The following ME3 variants were observed in gnomAD, a reference collection of about 807,000 sequenced individuals.
The protein encoded by ME3 is NADP-dependent malic enzyme, mitochondrial.
In ME3, 48 loss-of-function variants were observed where a neutral mutation model predicts 68.9. The observed-to-expected ratio is 0.70, with a 90% CI of 0.55 to 0.89. The LOEUF is 0.89. Ranked by LOEUF, ME3 falls within the 40% of genes least tolerant of loss-of-function variation. The probability of loss-of-function intolerance (pLI) is 0.00; values close to 1 mark genes in which losing one functional copy is unlikely to be tolerated. For synonymous variants in ME3, 320 were observed against 318.8 expected (o/e 1.00, Z -0.04); for missense variants, 675 against 797.4 (o/e 0.85, Z 1.85).
In ME3 at chr11:86,543,203, C is replaced by T. The variant is rs550971025; in HGVS notation, c.467+13350G>A. Among the ~76,000 whole-genome samples, 358 of 152,240 alleles carry T rather than the reference C, an allele frequency of 2.4e-3. 1 individual carries two copies. Among genetic ancestry groups the T allele is most frequent in the African/African-American group, 8.4e-3 (348 of 41,520 alleles). ...TGGTACCAGCCACTGCACAAACATACAAAAATGTAGAGACCATTGACACTA... is the reference window on the plus strand; with the variant it reads ...TGGTACCAGCCACTGCACAAACATATAAAAATGTAGAGACCATTGACACTA... On this transcript the variant is annotated intron_variant, in intron 4 of 14. Transcript: ENST00000543262.
chr11:86,538,284 G>A (rs546536658), intron 4 of ME3, among the ~76,000 whole-genome samples: 1 of 152,140 alleles, frequency 6.6e-6, no homozygotes. Context: ...TTTGAATACT[G>A]CTACTTGCTT....
chr11:86,553,222 C>A (rs752086872), intron 4 of ME3, among the ~76,000 whole-genome samples: 1 of 152,202 alleles, frequency 6.6e-6, no homozygotes, highest in Non-Finnish European at 1.5e-5. Context: ...GATACTCTTT[C>A]CCCGGTAATG....
intron 5 of ME3, among the ~76,000 whole-genome samples, chr11:86,501,455 A>C (rs1407402941): frequency 1.3e-5 from 2 of 152,180 alleles, no homozygotes; most frequent in Non-Finnish European, 2.9e-5. Flanking sequence ...ACCTTGGCAA[A>C]TGCAACATTT....
intron 2 of ME3, 51 bp downstream of exon 2, chr11:86,671,711 C>T (rs1188269046): frequency 1.0e-5 from 16 of 1,585,760 alleles, no homozygotes; most frequent in Non-Finnish European, 1.3e-5. Flanking sequence ...GCGCAATTTT[C>T]CGGCAGCCAC....
intron 2 of ME3, among the ~76,000 whole-genome samples, chr11:86,615,271 C>A (rs897238996): frequency 1.3e-5 from 2 of 151,958 alleles, no homozygotes; most frequent in Non-Finnish European, 2.9e-5. Flanking sequence ...TGGAGGTTAC[C>A]CAAGAAATCA....
intron 9 of ME3, 97 bp downstream of exon 9, chr11:86,450,204 C>A: frequency 1.6e-6 from 2 of 1,231,518 alleles, no homozygotes; most frequent in Non-Finnish European, 2.4e-6. Flanking sequence ...GCTGCTTCCT[C>A]TTTTCAGAAC....
At position 86,561,099 on chromosome 11, in the gene ME3, G is replaced by C. The variant is rs1440781602; in HGVS notation, c.184-1276C>G. On this transcript the variant is annotated intron_variant, in intron 2 of 14. Coordinates refer to ENST00000543262, the Ensembl canonical transcript of ME3. ...CAGTGGCCAAAAGTCATGCTTGTCA[G>C]GTTTCTCCACTGTAAAGTTACTCCT... Among the ~76,000 whole-genome samples the C allele has an allele frequency of 7.2e-5, 11 of 152,174 alleles. No individual in the cohort carries two copies. In the South Asian group the frequency reaches 2.3e-3, roughly 32 times the overall value.
intron 13 of ME3, among the ~76,000 whole-genome samples, chr11:86,445,296 C>T (rs945908240): frequency 2.4e-4 from 36 of 152,140 alleles, no homozygotes; most frequent in Non-Finnish European, 5.0e-4. Context: ...CTTTGGAAGA[C>T]ATTATTTGCA....
At chr11:86,479,542 T>C (rs1216996869) in intron 7 of ME3, among the ~76,000 whole-genome samples, 1 of 152,200 alleles carries the variant, frequency 6.6e-6, no homozygotes, top group Non-Finnish European at 1.5e-5. Flanking sequence ...TCCCTGTATA[T>C]TCATTGCTTT....
chr11:86,498,239 T>C (rs1952492769), intron 5 of ME3, 115 bp from the exon 6 acceptor site: 1 of 1,255,366 alleles, frequency 8.0e-7, no homozygotes, highest in Non-Finnish European at 1.1e-6. Flanking sequence ...ACTTTGCCGG[T>C]GTGAAAGAGC....
At chr11:86,518,510 A>C (rs2139165222) in intron 4 of ME3, among the ~76,000 whole-genome samples, 1 of 152,350 alleles carries the variant, frequency 6.6e-6, no homozygotes, top group Non-Finnish European at 1.5e-5. Flanking sequence ...CGAATTTATC[A>C]TTCTTCATCC....
At chr11:86,622,093 G>A (rs1484614281) in intron 2 of ME3, among the ~76,000 whole-genome samples, 1 of 151,982 alleles carries the variant, frequency 6.6e-6, no homozygotes, top group Non-Finnish European at 1.5e-5. Flanking sequence ...CCATGGCCAG[G>A]TGAGAATGTA....
Position 86,527,221 on chromosome 11 carries a change from C to T in ME3, c.468-18354G>A, listed in dbSNP as rs533310807. Among the ~76,000 whole-genome samples, 420 of 152,228 alleles carry T rather than the reference C, an allele frequency of 2.8e-3. 1 individual carries two copies. The highest frequency in any genetic ancestry group is 4.9e-3 in the Non-Finnish European group (333 of 68,020). On this transcript the variant is annotated intron_variant, in intron 4 of 14. Coordinates refer to ENST00000543262, the Ensembl canonical transcript of ME3. ...GCACGAGAACTACGTGACGAATGCA[C>T]AAGCCTCAGTAGCTGATTGGATCAA...
chr11:86,516,337 TGTGA>T (rs1953899638), intron 4 of ME3, among the ~76,000 whole-genome samples: 1 of 150,948 alleles, frequency 6.6e-6, no homozygotes, highest in East Asian at 1.9e-4. Flanking sequence ...CCTGAAAAGT[TGTGA>T]GTAAATAAAA....
At chr11:86,532,497 G>A (rs1955326007) in intron 4 of ME3, among the ~76,000 whole-genome samples, 1 of 152,172 alleles carries the variant, frequency 6.6e-6, no homozygotes, top group Non-Finnish European at 1.5e-5. Context: ...ATTTAAGGAT[G>A]TTGAAATCCT....
intron 5 of ME3, among the ~76,000 whole-genome samples, chr11:86,502,141 A>G (rs1952765563): frequency 6.6e-6 from 1 of 152,202 alleles, no homozygotes; most frequent in South Asian, 2.1e-4. Context: ...TAAGGCTTGT[A>G]CTTTCTTGAA....
chr11:86,529,798 T>G (rs1257147807), intron 4 of ME3, among the ~76,000 whole-genome samples: 1 of 152,124 alleles, frequency 6.6e-6, no homozygotes, highest in Non-Finnish European at 1.5e-5. Flanking sequence ...TCAACAAAAT[T>G]AAATAACCCT....
At chr11:86,450,308 G>A in exon 9 of ME3, 1 of 1,613,998 alleles carries the variant, frequency 6.2e-7, no homozygotes, top group Non-Finnish European at 8.5e-7. Context: ...TACCTCGCCT[G>A]CACCTTGGAA....
chr11:86,435,815 T>G, the ME3 span: 3 of 152,286 alleles, frequency 2.0e-5, no homozygotes, highest in African/African-American at 7.2e-5. Flanking sequence ...GATGGCTATT[T>G]AGAGATGTTC....
Sources: gnomAD v4.1 joint callset for allele counts (sites outside exome capture counted in the v4.1 genomes callset) on GRCh38, gnomAD v4.1.1 for gene constraint, MANE v1.5 for transcripts, NCBI Gene and HGNC (gene_info 2026-07-23, HGNC 2026-07-21) for gene names.